The following EXOC5 variants were observed in gnomAD, a reference collection of about 807,000 sequenced individuals.
EXOC5 encodes exocyst complex component 5, also known as SEC10-like 1.
EXOC5 carries 17 observed loss-of-function variants against 90.8 expected under a neutral mutation model. The observed-to-expected ratio is 0.19, with a 90% CI of 0.13 to 0.28. The LOEUF is 0.28. Among genes scored for constraint, EXOC5 ranks in the 10% least tolerant of loss-of-function variants. EXOC5 has a pLI of 1.00. For missense variants in EXOC5, 569 were observed against 830.6 expected (o/e 0.69, Z 3.87); for synonymous variants, 260 against 270.0 (o/e 0.96, Z 0.36).
At chr14:57,228,076 T>C (rs1176851146) in intron 12 of EXOC5, among the ~76,000 whole-genome samples, 2 of 151,718 alleles carry the variant, frequency 1.3e-5, no homozygotes, top group South Asian at 2.1e-4. Context: ...AAAGAAGACA[T>C]TTATGCAGTT....
intron 1 of EXOC5, among the ~76,000 whole-genome samples, chr14:57,261,856 GAGGTTACCTAACCTTGCAAATCACTAC>G (rs1436211218): frequency 6.6e-6 from 1 of 152,178 alleles, no homozygotes; most frequent in Non-Finnish European, 1.5e-5. Context: ...TAGAGTCCAA[GAGGTTACCTAACCTTGCAAATCACTAC>G]ATAGCATCAC....
rs143002764 is a variant in EXOC5 at position 57,239,098 on chromosome 14, G to C, written c.530+497C>G. Among the ~76,000 whole-genome samples, 342 of 152,154 alleles carry C rather than the reference G, an allele frequency of 2.2e-3. 1 individual carries two copies. The highest frequency in any genetic ancestry group is 7.7e-3 in the African/African-American group (320 of 41,532). ...TCCCTAGGAAGAGTTCTGTGGATAG[G>C]CTAGAGTCTAAAACTCCATGAAATT... is the stretch of plus-strand genomic sequence containing the variant. On this transcript the variant is annotated intron_variant, in intron 5 of 17. Transcript: ENST00000621441.
rs1884771146 is a variant in EXOC5, at chr14:57,268,612, C to T, written c.27+10G>A. The T allele has an allele frequency of 1.3e-6, 2 of 1,589,252 alleles. No individual in the cohort carries two copies. Among genetic ancestry groups the T allele is most frequent in the Non-Finnish European group, 1.7e-6 (2 of 1,173,048 alleles). On this transcript the variant is annotated intron_variant, in intron 1 of 17. Transcript: ENST00000621441. Reference sequence around the variant, plus strand: ...GGCCTGCCACTCCCTGTAGAGCCGCCGGGGCCCACCTCGAAGAGCTCGGCC... The same window carrying T: ...GGCCTGCCACTCCCTGTAGAGCCGCTGGGGCCCACCTCGAAGAGCTCGGCC...
rs924366154 is a variant in EXOC5, at chr14:57,201,178, A to G, written c.*7431T>C. The G allele has an allele frequency of 6.6e-6, 1 of 152,086 alleles. No individual in the cohort carries two copies. The highest frequency in any genetic ancestry group is 1.5e-5 in the Non-Finnish European group (1 of 68,022). The allele number at this position is 152,086 out of a possible 1,614,324, so 9.4% of individuals were successfully genotyped here. A position where few individuals can be genotyped will look rare whatever the true frequency, so the allele number is the denominator to read the frequency against. On this transcript the variant is annotated 3_prime_UTR_variant, in exon 18 of 18. Coordinates refer to ENST00000621441, the MANE Select transcript of EXOC5 (RefSeq NM_006544.4). ...AACTGCCAATTTCACTAAAAGGTGGAGGAATGGCTGATTCCAGAGCTGGGG... is the reference window on the plus strand; with the variant it reads ...AACTGCCAATTTCACTAAAAGGTGGGGGAATGGCTGATTCCAGAGCTGGGG...
chr14:57,267,628 G>A (rs1856738290), intron 1 of EXOC5, among the ~76,000 whole-genome samples: 1 of 151,992 alleles, frequency 6.6e-6, no homozygotes, highest in South Asian at 2.1e-4. Context: ...TTTCTTATCC[G>A]TTTTCATTTC....
In EXOC5 at chr14:57,238,221, TATAC is replaced by T. The variant is rs747937097; in HGVS notation, c.531-859_531-856del. ...GGATATATATTCAACTCCACATATA[TATAC>T]ACACACACACACACACACACACACA... On this transcript the variant is annotated intron_variant, in intron 5 of 17. Coordinates refer to ENST00000621441, the MANE Select transcript of EXOC5 (RefSeq NM_006544.4). 9.3e-3 allele frequency among the ~76,000 whole-genome samples: 866 copies of T among 93,264 alleles called. 10 individuals carry two copies. The highest frequency in any genetic ancestry group is 0.022 in the African/African-American group (742 of 33,230). The allele number at this position is 93,264 out of a possible 152,430, so 61.2% of individuals were successfully genotyped here. A position where few individuals can be genotyped will look rare whatever the true frequency, so the allele number is the denominator to read the frequency against.
Position 57,208,467 on chromosome 14 carries a change from C to G in EXOC5, c.*142G>C, listed in dbSNP as rs10150771. ...AAAACCTCAAAGGTAAGTATGGCTG[C>G]TGTTTTGTTCCAGTCATTGTTTCAC... On this transcript the variant is annotated 3_prime_UTR_variant, in exon 18 of 18. Coordinates refer to ENST00000621441, the MANE Select transcript of EXOC5 (RefSeq NM_006544.4). 23 of 538,902 alleles carry G rather than the reference C, an allele frequency of 4.3e-5. No individual in the cohort carries two copies. The highest frequency in any genetic ancestry group is 6.5e-6 in the Non-Finnish European group (2 of 307,326). 33.4% of individuals were successfully genotyped at this position (538,902 alleles called of 1,614,324 possible). A position where few individuals can be genotyped will look rare whatever the true frequency, so the allele number is the denominator to read the frequency against.
chr14:57,231,305 G>A (rs898564615), intron 11 of EXOC5, among the ~76,000 whole-genome samples: 1 of 152,056 alleles, frequency 6.6e-6, no homozygotes. Context: ...TACCACGCCC[G>A]GCTTACATTT....
chr14:57,258,073 T>C (rs1457058210), intron 1 of EXOC5, among the ~76,000 whole-genome samples: 2 of 152,220 alleles, frequency 1.3e-5, no homozygotes, highest in Non-Finnish European at 2.9e-5. Context: ...TGATTTTATA[T>C]GCTTTACAAA....
In EXOC5 at chr14:57,201,478, A is replaced by C. The variant is rs1446627588; in HGVS notation, c.*7131T>G. 7.5e-6 allele frequency: 1 copy of C among 132,534 alleles called. No homozygotes were observed. Among genetic ancestry groups the C allele is most frequent in the Non-Finnish European group, 1.5e-5 (1 of 66,374 alleles). 8.2% of individuals were successfully genotyped at this position (132,534 alleles called of 1,614,324 possible). A position where few individuals can be genotyped will look rare whatever the true frequency, so the allele number is the denominator to read the frequency against. On this transcript the variant is annotated 3_prime_UTR_variant, in exon 18 of 18. Coordinates refer to ENST00000621441, the MANE Select transcript of EXOC5 (RefSeq NM_006544.4). ...TACACACGCGTGTATATGTACACAC[A>C]CGTGTATAAACACACGTGTATATAC...
intron 12 of EXOC5, among the ~76,000 whole-genome samples, chr14:57,225,603 A>C (rs77355063): frequency 6.7e-6 from 1 of 148,252 alleles, no homozygotes; most frequent in Non-Finnish European, 1.5e-5. Flanking sequence ...AAAAAAAAAA[A>C]GGCAAATAGA....
rs1293964601 is a variant in EXOC5 at position 57,268,743 on chromosome 14, G to C, written c.-95C>G. 6.7e-7 allele frequency: 1 copy of C among 1,486,356 alleles called. No homozygotes were observed. Among genetic ancestry groups the C allele is most frequent in the Non-Finnish European group, 8.9e-7 (1 of 1,123,010 alleles). 92.1% of individuals were successfully genotyped at this position (1,486,356 alleles called of 1,614,324 possible). ...CGGCGCACAGGTCTCCGCTCGGCTC[G>C]CCAGCTCCGGCTCCGGGCCGCTGCG... On this transcript the variant is annotated 5_prime_UTR_variant, in exon 1 of 18. Transcript: ENST00000621441.
chr14:57,259,871 C>A (rs1190143557), intron 1 of EXOC5, among the ~76,000 whole-genome samples: 1 of 152,160 alleles, frequency 6.6e-6, no homozygotes, highest in Non-Finnish European at 1.5e-5. Flanking sequence ...GTCAACAGAA[C>A]AATGCCGAGC....
intron 15 of EXOC5, among the ~76,000 whole-genome samples, chr14:57,212,312 C>A (rs1329742526): frequency 6.6e-6 from 1 of 152,224 alleles, no homozygotes; most frequent in Non-Finnish European, 1.5e-5. Context: ...AGCTTCCCTG[C>A]AGTATGTGTA....
chr14:57,218,506 T>G (rs1883035997), intron 14 of EXOC5, among the ~76,000 whole-genome samples: 1 of 152,106 alleles, frequency 6.6e-6, no homozygotes, highest in East Asian at 1.9e-4. Context: ...CCAATCCAGT[T>G]GTACTTTTAA....
chr14:57,265,693 C>A (rs1344041484), intron 1 of EXOC5, among the ~76,000 whole-genome samples: 3 of 152,136 alleles, frequency 2.0e-5, no homozygotes, highest in South Asian at 4.1e-4. Flanking sequence ...CAACTGCACT[C>A]CAGCCTATGC....
chr14:57,240,577 C>G (rs1320931954), intron 4 of EXOC5, among the ~76,000 whole-genome samples: 2 of 151,896 alleles, frequency 1.3e-5, no homozygotes, highest in African/African-American at 4.8e-5. Context: ...CCACCGAGCC[C>G]AGCCAGAAAT....
At chr14:57,251,816 C>A (rs573294000) in intron 1 of EXOC5, among the ~76,000 whole-genome samples, 66 of 151,888 alleles carry the variant, frequency 4.3e-4, no homozygotes, top group African/African-American at 1.5e-3. Flanking sequence ...TTTAGCTAAA[C>A]AGACTAAGAA....
intron 15 of EXOC5, 47 bp from the exon 16 acceptor site, chr14:57,210,108 T>C (rs1882782038): frequency 2.6e-6 from 2 of 770,340 alleles, no homozygotes; most frequent in South Asian, 3.4e-5. Context: ...TAACTTACTC[T>C]ATGTTTATGT....
Sources: allele counts gnomAD v4.1 joint callset (sites outside exome capture counted in the v4.1 genomes callset), GRCh38; gene constraint gnomAD v4.1.1; transcripts MANE v1.5; gene names NCBI Gene and HGNC (gene_info 2026-07-23, HGNC 2026-07-21).